FAM90A20: variants seen among roughly 807,000 people sequenced by gnomAD.
FAM90A20 encodes family with sequence similarity 90 member A20.
At chr8:7,297,848 A>C in the FAM90A20 span, 9 of 908,922 alleles carry the variant, frequency 9.9e-6, no homozygotes, top group Non-Finnish European at 1.5e-5. Context: ...CTGGAGCTCC[A>C]GCCTCCTGGC....
chr8:7,295,568 A>C, the FAM90A20 span: 1 of 662,422 alleles, frequency 1.5e-6, no homozygotes, highest in South Asian at 1.5e-5. Context: ...TCCCAATGTT[A>C]ACGTGGGATC....
the FAM90A20 span, chr8:7,296,457 T>G: frequency 8.0e-5 from 56 of 701,266 alleles, 5 homozygotes; most frequent in Admixed American, 8.9e-4. Context: ...GTTGATTTCC[T>G]TTCAGCTTCC....
chr8:7,295,757 C>A, the FAM90A20 span: 3 of 1,270,702 alleles, frequency 2.4e-6, no homozygotes, highest in Non-Finnish European at 3.3e-6. Flanking sequence ...AAACCTGAAA[C>A]CATGGAAGCC....
At chr8:7,296,252 A>C in the FAM90A20 span, 4 of 690,772 alleles carry the variant, frequency 5.8e-6, no homozygotes, top group South Asian at 1.4e-5. Context: ...CCTGGGGAAA[A>C]CCAGGGGGCA....
the FAM90A20 span, chr8:7,297,394 A>T: frequency 5.9e-6 from 9 of 1,529,038 alleles, no homozygotes; most frequent in South Asian, 7.8e-5. Context: ...AGGCCGTCAG[A>T]ACCCAGGCAC....
the FAM90A20 span, chr8:7,297,601 G>A: frequency 2.7e-6 from 4 of 1,481,996 alleles, 1 homozygote; most frequent in South Asian, 4.5e-5. Context: ...AGGGAGGTGA[G>A]CTGGGGGCCC....
chr8:7,297,653 C>T, the FAM90A20 span: 1 of 1,394,616 alleles, frequency 7.2e-7, no homozygotes, highest in Non-Finnish European at 9.8e-7. Flanking sequence ...CGAACTTGGA[C>T]CAAGTAGGTC....
the FAM90A20 span, chr8:7,297,060 A>T: frequency 1.3e-6 from 2 of 1,499,092 alleles, 1 homozygote; most frequent in Non-Finnish European, 1.8e-6. Flanking sequence ...CCTCTCTTTC[A>T]GGTTGCAAGG....
chr8:7,295,862 A>G, the FAM90A20 span: 13,680 of 678,394 alleles, frequency 0.02, 906 homozygotes, highest in Non-Finnish European at 0.024. Flanking sequence ...CACCACTCTT[A>G]GGGTACTGCC....
chr8:7,297,209 T>A, the FAM90A20 span: 1 of 1,530,960 alleles, frequency 6.5e-7, no homozygotes, highest in Non-Finnish European at 8.8e-7. Flanking sequence ...TCTGAGCTCC[T>A]CCTCAAGTCT....
At chr8:7,296,625 A>G in the FAM90A20 span, among the ~76,000 whole-genome samples, 5 of 135,218 alleles carry the variant, frequency 3.7e-5, no homozygotes, top group Non-Finnish European at 6.0e-5. Flanking sequence ...GCCTGCCAAC[A>G]ACACGTTCCT....
At chr8:7,297,881 G>A in the FAM90A20 span, 29 of 760,062 alleles carry the variant, frequency 3.8e-5, 1 homozygote, top group East Asian at 6.9e-4. Context: ...TCACTCTCCT[G>A]AGAAGCCGGG....
the FAM90A20 span, chr8:7,297,578 G>C: frequency 6.6e-7 from 1 of 1,511,106 alleles, no homozygotes; most frequent in South Asian, 1.1e-5. Context: ...CCAGATCCCC[G>C]AAAGCACCAT....
At chr8:7,297,479 C>G in the FAM90A20 span, 10 of 1,541,160 alleles carry the variant, frequency 6.5e-6, 1 homozygote, top group Admixed American at 1.7e-5. Flanking sequence ...AGGCTCCAAT[C>G]TCAGCTTTGG....
At chr8:7,297,265 G>T in the FAM90A20 span, 5 of 1,417,208 alleles carry the variant, frequency 3.5e-6, 1 homozygote, top group African/African-American at 6.3e-5. Context: ...ACATCCCTCG[G>T]CCTGCAGTCA....
chr8:7,297,216 G>C, the FAM90A20 span: 13 of 1,527,840 alleles, frequency 8.5e-6, 2 homozygotes, highest in Non-Finnish European at 9.7e-6. Context: ...TCCTCCTCAA[G>C]TCTTGGACCA....
chr8:7,297,322 C>T, the FAM90A20 span: 22 of 1,362,648 alleles, frequency 1.6e-5, no homozygotes, highest in African/African-American at 4.3e-5. Flanking sequence ...CGACACACAG[C>T]AGCCCTGAGG....
chr8:7,296,415 C>A, the FAM90A20 span: 1 of 736,300 alleles, frequency 1.4e-6, no homozygotes, highest in East Asian at 2.5e-5. Context: ...TCACCCCGGG[C>A]CCCTGGTCCT....
the FAM90A20 span, chr8:7,297,094 C>T: frequency 3.3e-6 from 5 of 1,508,100 alleles, no homozygotes; most frequent in East Asian, 9.0e-5. Context: ...TCCACACAAC[C>T]TGTAAGAGGC....
Sources: allele counts gnomAD v4.1 joint callset (sites outside exome capture counted in the v4.1 genomes callset), GRCh38; gene constraint gnomAD v4.1.1; transcripts MANE v1.5; gene names NCBI Gene and HGNC (gene_info 2026-07-23, HGNC 2026-07-21).